Variants in PES1 observed in about 807,000 individuals in gnomAD.
The protein encoded by PES1 is pescadillo ribosomal biogenesis factor 1.
In PES1, 31 loss-of-function variants were observed where a neutral mutation model predicts 77.1. That is an observed-to-expected ratio of 0.40 (90% confidence interval 0.30 to 0.54). PES1 has a LOEUF of 0.54. Among genes scored for constraint, PES1 ranks in the 20% least tolerant of loss-of-function variants. The pLI is 0.45. For synonymous variants in PES1, 282 were observed against 303.0 expected, an observed-to-expected ratio of 0.93 and a Z score of 0.72; for missense variants, 658 against 771.7, an observed-to-expected ratio of 0.85 and a Z score of 1.75.
intron 2 of PES1, among the ~76,000 whole-genome samples, chr22:30,601,125 C>T (rs1466411521): frequency 6.6e-6 from 1 of 152,146 alleles, no homozygotes; most frequent in Non-Finnish European, 1.5e-5. Context: ...CTTCTGCATT[C>T]TGCTACTGAC....
intron 2 of PES1, among the ~76,000 whole-genome samples, chr22:30,588,736 T>C (rs2087131469): frequency 6.7e-6 from 1 of 149,070 alleles, no homozygotes; most frequent in Non-Finnish European, 1.5e-5. Context: ...TGAGCTGAGA[T>C]CACGCCAATG....
chr22:30,593,219 G>A (rs1348623694), upstream of PES1, among the ~76,000 whole-genome samples: 4 of 152,104 alleles, frequency 2.6e-5, no homozygotes, highest in Non-Finnish European at 4.4e-5. Context: ...GGGCACGGTC[G>A]CTCACACCTG....
intron 2 of PES1, among the ~76,000 whole-genome samples, chr22:30,599,481 A>G (rs1602029423): frequency 6.6e-6 from 1 of 152,222 alleles, no homozygotes; most frequent in East Asian, 1.9e-4. Context: ...CCGAGTTATC[A>G]ACAAAATAAG....
Position 30,576,960 on chromosome 22 carries a change from G to A in PES1, c.*86C>T, listed in dbSNP as rs2086908546. 2 of 1,079,730 alleles carry A rather than the reference G, an allele frequency of 1.9e-6. No individual in the cohort carries two copies. Among genetic ancestry groups the A allele is most frequent in the Non-Finnish European group, 2.9e-6 (2 of 696,348 alleles). 66.9% of individuals were successfully genotyped at this position (1,079,730 alleles called of 1,614,324 possible). A position where few individuals can be genotyped will look rare whatever the true frequency, so the allele number is the denominator to read the frequency against. On this transcript the variant is annotated 3_prime_UTR_variant, in exon 15 of 15. Transcript: ENST00000354694. ...GAAAGGAGGAGGAGAAGTGACTCTG[G>A]TCCATCACACTTAGGTCCTCTGGCC...
chr22:30,592,000 T>A (rs1049383440), upstream of PES1: 10 of 1,379,138 alleles, frequency 7.3e-6, no homozygotes, highest in Non-Finnish European at 9.4e-6. Flanking sequence ...GGGGATTTCC[T>A]CCTCAAGATT....
chr22:30,587,968 T>C (rs2087116949), intron 3 of PES1, 53 bp downstream of exon 3: 1 of 1,577,540 alleles, frequency 6.3e-7, no homozygotes, highest in Admixed American at 1.7e-5. Context: ...AGTTAGTTAG[T>C]GGGTCACAGA....
upstream of PES1, chr22:30,592,099 C>T: frequency 7.7e-7 from 1 of 1,296,590 alleles, no homozygotes; most frequent in Non-Finnish European, 9.8e-7. Context: ...AGTGTTAAAA[C>T]AAACGTGGAT....
At chr22:30,594,668 T>TA (rs34230525), upstream of PES1, among the ~76,000 whole-genome samples, 5,697 of 138,648 alleles carry the variant, frequency 0.041, 113 homozygotes, top group South Asian at 0.051. Context: ...TGCCCCGCCT[T>TA]AAAAAAAAAA....
Position 30,584,537 on chromosome 22 carries a change from C to T in PES1, c.540+9G>A. The T allele has an allele frequency of 6.2e-7, 1 of 1,610,070 alleles. No individual in the cohort carries two copies. The highest frequency in any genetic ancestry group is 8.5e-7 in the Non-Finnish European group (1 of 1,178,126). On this transcript the variant is annotated intron_variant, in intron 5 of 14. Transcript: ENST00000354694. ...GGGTGGGATGCCAGCCGGGCAGTCC[C>T]AGGCTCACCTTGCGCAGGGCACGGG...
rs1162405223 is a variant in PES1, at chr22:30,579,738, C to T, written c.1354+13G>A. 1.9e-6 allele frequency: 3 copies of T among 1,612,978 alleles called. No homozygotes were observed. Among genetic ancestry groups the T allele is most frequent in the Non-Finnish European group, 1.7e-6 (2 of 1,179,588 alleles). ...CCCAGGGGTCAAGGCCAGCCCAGTCCCATCCCGCTCACCTGGGTCCTCTCC... is the reference window on the plus strand; with the variant it reads ...CCCAGGGGTCAAGGCCAGCCCAGTCTCATCCCGCTCACCTGGGTCCTCTCC... On this transcript the variant is annotated intron_variant, in intron 12 of 14. Coordinates refer to ENST00000354694, the MANE Select transcript of PES1 (RefSeq NM_014303.4).
intron 6 of PES1, among the ~76,000 whole-genome samples, chr22:30,581,921 G>A (rs2086994098): frequency 6.6e-6 from 1 of 152,174 alleles, no homozygotes; most frequent in South Asian, 2.1e-4. Context: ...CCCCATAAAA[G>A]AGTGAGAAAA....
At chr22:30,598,523 G>C (rs1369910748) in intron 2 of PES1, among the ~76,000 whole-genome samples, 1 of 152,158 alleles carries the variant, frequency 6.6e-6, no homozygotes, top group Non-Finnish European at 1.5e-5. Flanking sequence ...CTGCTTCCCG[G>C]GTTTAGGTGA....
At chr22:30,595,698 A>G (rs1486416803), upstream of PES1, among the ~76,000 whole-genome samples, 1 of 152,102 alleles carries the variant, frequency 6.6e-6, no homozygotes, top group South Asian at 2.1e-4. Context: ...CCCTGCATCC[A>G]GACCCTGCAA....
chr22:30,599,729 G>A (rs1423002545), intron 2 of PES1, among the ~76,000 whole-genome samples: 1 of 151,670 alleles, frequency 6.6e-6, no homozygotes, highest in African/African-American at 2.4e-5. Context: ...GAGAAACCCC[G>A]TCTCTACTAA....
At position 30,576,766 on chromosome 22, in the gene PES1, G is replaced by A; in HGVS notation, c.*280C>T. On this transcript the variant is annotated 3_prime_UTR_variant, in exon 15 of 15. Coordinates refer to ENST00000354694, the MANE Select transcript of PES1 (RefSeq NM_014303.4). ...GGATGAATGGGGGCAGTAGGTAGGG[G>A]GCTGGGTGGGCCTCTGCACCTCATG... 2.0e-6 allele frequency: 1 copy of A among 495,098 alleles called. No homozygotes were observed. The highest frequency in any genetic ancestry group is 5.4e-4 in the Middle Eastern group (1 of 1,868). The allele number at this position is 495,098 out of a possible 1,614,324, so 30.7% of individuals were successfully genotyped here.
intron 11 of PES1, 23 bp downstream of exon 11, chr22:30,580,030 G>C: frequency 6.2e-7 from 1 of 1,612,894 alleles, no homozygotes; most frequent in Non-Finnish European, 8.5e-7. Flanking sequence ...CAGAAATCCG[G>C]ACGAGGACCC....
intron 2 of PES1, among the ~76,000 whole-genome samples, chr22:30,599,034 G>GTTACA (rs1178811067): frequency 6.6e-6 from 1 of 151,136 alleles, no homozygotes; most frequent in African/African-American, 2.4e-5. Flanking sequence ...AGTAGCTGGG[G>GTTACA]TTACAGGCAT....
intron 1 of PES1, among the ~76,000 whole-genome samples, chr22:30,590,415 G>A (rs940032635): frequency 2.0e-5 from 3 of 152,182 alleles, no homozygotes; most frequent in Non-Finnish European, 4.4e-5. Flanking sequence ...CCACAGGTAC[G>A]TTTACTAATA....
chr22:30,580,825 T>G, intron 9 of PES1, 124 bp from the exon 10 acceptor site: 2 of 1,446,978 alleles, frequency 1.4e-6, no homozygotes, highest in Non-Finnish European at 1.9e-6. Flanking sequence ...CAAAGGAAAC[T>G]CCAAGGCCCC....
Sources: allele counts gnomAD v4.1 joint callset (sites outside exome capture counted in the v4.1 genomes callset), GRCh38; gene constraint gnomAD v4.1.1; transcripts MANE v1.5; gene names NCBI Gene and HGNC (gene_info 2026-07-23, HGNC 2026-07-21).